CELF2: variants seen among roughly 807,000 people sequenced by gnomAD.
CELF2 encodes the protein CUG triplet repeat RNA-binding protein 2.
In CELF2, 8 loss-of-function variants were observed where a neutral mutation model predicts 62.6. The ratio of observed to expected loss-of-function variants is 0.13; its 90% confidence interval spans 0.07 to 0.23. The LOEUF (loss-of-function observed/expected upper bound fraction) is 0.23, where lower values mean the gene tolerates loss of function less well. CELF2 is among the 10% of genes least tolerant of loss of function. The pLI is 1.00. For missense variants in CELF2, 333 were observed against 671.0 expected, an observed-to-expected ratio of 0.50 and a Z score of 5.56; for synonymous variants, 258 against 250.0, an observed-to-expected ratio of 1.03 and a Z score of -0.30.
the CELF2 span, among the ~76,000 whole-genome samples, chr10:10,744,010 C>A: frequency 6.6e-6 from 1 of 151,930 alleles, no homozygotes. Context: ...TGTGTTCTAC[C>A]CAGATTTTTT....
At position 11,333,568 on chromosome 10, in the gene CELF2, C is replaced by A. The variant is rs530703126; in HGVS notation, c.*4515C>A. The A allele has an allele frequency of 3.9e-4, 59 of 152,084 alleles. No homozygotes were observed. The highest frequency in any genetic ancestry group is 1.4e-3 in the African/African-American group (58 of 41,408). The allele number at this position is 152,084 out of a possible 1,614,324, so 9.4% of individuals were successfully genotyped here. ...AAAAAAAAATAAAATTTTAAAAAAA[C>A]CTGTAGTTTCATTACCTTTTTGAAT... On this transcript the variant is annotated 3_prime_UTR_variant, in exon 13 of 13. Transcript: ENST00000633077.
chr10:10,765,112 A>T, the CELF2 span, among the ~76,000 whole-genome samples: 3 of 152,148 alleles, frequency 2.0e-5, no homozygotes, highest in Admixed American at 2.0e-4. Context: ...ATGTCCAAGG[A>T]TCCATACAAA....
intron 3 of CELF2, among the ~76,000 whole-genome samples, chr10:11,231,507 T>C (rs557722868): frequency 6.6e-6 from 1 of 152,000 alleles, no homozygotes; most frequent in South Asian, 2.1e-4. Context: ...CTTGATGGGG[T>C]GTCAGCCCTG....
chr10:11,274,907 T>C (rs1157090644), intron 7 of CELF2, 150 bp from the exon 8 acceptor site: 2 of 694,508 alleles, frequency 2.9e-6, no homozygotes, highest in Non-Finnish European at 2.6e-6. Flanking sequence ...AATATGGATT[T>C]ACAGCCCCAG....
chr10:10,501,299 T>G, the CELF2 span, among the ~76,000 whole-genome samples: 3 of 152,216 alleles, frequency 2.0e-5, no homozygotes, highest in Non-Finnish European at 2.9e-5. Context: ...TTAACTTTTC[T>G]GATAGGGTCT....
intron 1 of CELF2, among the ~76,000 whole-genome samples, chr10:10,851,935 A>G (rs1282489743): frequency 6.6e-6 from 1 of 152,200 alleles, no homozygotes; most frequent in Non-Finnish European, 1.5e-5. Context: ...CTAAAATTAA[A>G]CAACTGACTA....
At chr10:10,740,122 C>T in the CELF2 span, among the ~76,000 whole-genome samples, 2 of 122,202 alleles carry the variant, frequency 1.6e-5, no homozygotes, top group African/African-American at 6.3e-5. Flanking sequence ...TTTAGTTTAA[C>T]GTTTGTTTAT....
At chr10:10,846,091 C>G (rs1233495301) in intron 1 of CELF2, 3 of 984,870 alleles carry the variant, frequency 3.0e-6, no homozygotes, top group African/African-American at 1.7e-5. Context: ...GATCCTTCTG[C>G]GCTCCCAGAG....
At chr10:10,789,600 AT>A in the CELF2 span, among the ~76,000 whole-genome samples, 1 of 152,268 alleles carries the variant, frequency 6.6e-6, no homozygotes, top group Admixed American at 6.5e-5. Context: ...GAGTGGGCCT[AT>A]TTCATTGTAC....
chr10:11,063,917 T>C, intron 1 of CELF2, among the ~76,000 whole-genome samples: 1 of 152,220 alleles, frequency 6.6e-6, no homozygotes, highest in Non-Finnish European at 1.5e-5. Context: ...TGATGCCTTT[T>C]GCGTTCTGCA....
the CELF2 span, among the ~76,000 whole-genome samples, chr10:10,615,555 C>T: frequency 2.6e-5 from 4 of 152,174 alleles, no homozygotes; most frequent in African/African-American, 4.8e-5. Context: ...GCCCAAATCT[C>T]ATGTCACATT....
At position 10,936,025 on chromosome 10, in the gene CELF2, G is replaced by A. The variant is rs181673599; in HGVS notation, c.89+16026G>A. On this transcript the variant is annotated intron_variant, in intron 2 of 13. Coordinates refer to the CELF2 transcript ENST00000636488. This position sits in a 1 kb window ranked among gnomAD's most constrained non-coding sequence, Gnocchi z 4.0. ...AAAAAAAAAAAAATTAGCCAGGCGTGGTGGCACACACCTGTAGTCCCAGCT... is the reference window on the plus strand; with the variant it reads ...AAAAAAAAAAAAATTAGCCAGGCGTAGTGGCACACACCTGTAGTCCCAGCT... 2.0e-5 allele frequency among the ~76,000 whole-genome samples: 3 copies of A among 151,956 alleles called. No homozygotes were observed. The highest frequency in any genetic ancestry group is 4.2e-4 in the South Asian group (2 of 4,808).
the CELF2 span, among the ~76,000 whole-genome samples, chr10:10,649,534 T>G: frequency 1.3e-5 from 2 of 151,814 alleles, no homozygotes; most frequent in African/African-American, 4.9e-5. Flanking sequence ...ATACATCTCA[T>G]AGAAAGGGAT....
chr10:10,605,008 C>T, the CELF2 span, among the ~76,000 whole-genome samples: 268 of 152,254 alleles, frequency 1.8e-3, 1 homozygote, highest in African/African-American at 6.1e-3. Context: ...ATAGCAAAGA[C>T]ATGGAATCAA....
chr10:11,142,915 A>G (rs1251702330), intron 1 of CELF2, among the ~76,000 whole-genome samples: 1 of 150,896 alleles, frequency 6.6e-6, no homozygotes, highest in Non-Finnish European at 1.5e-5. Flanking sequence ...TCCTCCCTCC[A>G]CTGGGGTTAC....
chr10:11,298,713 T>A (rs1198359518), intron 9 of CELF2, among the ~76,000 whole-genome samples: 1 of 152,132 alleles, frequency 6.6e-6, no homozygotes, highest in Non-Finnish European at 1.5e-5. Context: ...ATATTTATAT[T>A]TATGTAAATG....
intron 1 of CELF2, chr10:11,105,437 G>C (rs558674341): frequency 1.3e-5 from 2 of 152,216 alleles, no homozygotes; most frequent in Non-Finnish European, 2.9e-5. Context: ...TCCTGAAGCA[G>C]AATAAGACAT....
chr10:10,740,895 C>A, the CELF2 span, among the ~76,000 whole-genome samples: 1 of 151,976 alleles, frequency 6.6e-6, no homozygotes, highest in East Asian at 1.9e-4. Context: ...TACATAGAAA[C>A]AAGGAGTATA....
chr10:10,552,087 A>G, the CELF2 span, among the ~76,000 whole-genome samples: 3 of 152,218 alleles, frequency 2.0e-5, no homozygotes, highest in Non-Finnish European at 2.9e-5. Context: ...GGGTGGTTTC[A>G]GACAAAGCGG....
Sources: gnomAD v4.1 joint callset for allele counts (sites outside exome capture counted in the v4.1 genomes callset) on GRCh38, gnomAD v4.1.1 for gene constraint, Gnocchi (gnomAD v3.1) non-coding constraint, MANE v1.5 for transcripts, NCBI Gene and HGNC (gene_info 2026-07-23, HGNC 2026-07-21) for gene names.